The following GABRB2 variants were observed in gnomAD, a reference collection of about 807,000 sequenced individuals.
The protein encoded by GABRB2 is gamma-aminobutyric acid receptor subunit beta-2.
In GABRB2, 16 loss-of-function variants were observed where a neutral mutation model predicts 54.7. The ratio of observed to expected loss-of-function variants is 0.29; its 90% CI spans 0.20 to 0.44. GABRB2 has a LOEUF of 0.44. Among genes scored for constraint, GABRB2 ranks in the 20% least tolerant of loss-of-function variants. The pLI is 1.00. For missense variants in GABRB2, 355 were observed against 644.0 expected (o/e 0.55, Z 4.86); for synonymous variants, 244 against 233.8 (o/e 1.04, Z -0.40).
rs1225789028 is a variant in GABRB2, at chr5:161,462,657, G to A, written c.238-2813C>T. On this transcript the variant is annotated intron_variant, in intron 3 of 9. Coordinates refer to ENST00000393959, the MANE Select transcript of GABRB2 (RefSeq NM_001371727.1). ...GACTAAATAAATGTTAAGATTGTGA[G>A]ACCCTGCATTACATGCTAATTTCTG... Among the ~76,000 whole-genome samples, 3 of 152,164 alleles carry A rather than the reference G, an allele frequency of 2.0e-5. No individual in the cohort carries two copies. The East Asian group carries it at 5.8e-4, about 29-fold the overall frequency.
intron 3 of GABRB2, among the ~76,000 whole-genome samples, chr5:161,496,902 T>C (rs1210143338): frequency 2.0e-5 from 3 of 152,148 alleles, no homozygotes; most frequent in Admixed American, 6.6e-5. Flanking sequence ...TAATCATATA[T>C]ATGTATACAC....
chr5:161,333,515 T>C (rs767188817), intron 7 of GABRB2, among the ~76,000 whole-genome samples: 3 of 152,232 alleles, frequency 2.0e-5, no homozygotes, highest in Non-Finnish European at 4.4e-5. Flanking sequence ...GTAGCCGAAG[T>C]GATCCCTTTA....
intron 5 of GABRB2, among the ~76,000 whole-genome samples, chr5:161,362,170 T>C (rs1393941021): frequency 6.6e-6 from 1 of 152,188 alleles, no homozygotes; most frequent in Admixed American, 6.5e-5. Context: ...GCTGTTTTGA[T>C]TGCTGTAGCC....
chr5:161,518,242 T>C (rs1760011460), intron 3 of GABRB2, among the ~76,000 whole-genome samples: 1 of 152,208 alleles, frequency 6.6e-6, no homozygotes, highest in South Asian at 2.1e-4. Context: ...ACAGTAAGAA[T>C]TCCTTTGAGA....
At chr5:161,297,652 C>A (rs1251987394) in intron 9 of GABRB2, among the ~76,000 whole-genome samples, 1 of 151,918 alleles carries the variant, frequency 6.6e-6, no homozygotes, top group African/African-American at 2.4e-5. Context: ...ATGGTATATA[C>A]GTGTCACATT....
intron 4 of GABRB2, 49 bp from the exon 5 acceptor site, chr5:161,411,106 G>T (rs375677228): frequency 7.1e-7 from 1 of 1,412,696 alleles, no homozygotes; most frequent in Non-Finnish European, 1.0e-6. Context: ...TCTAAGGCTG[G>T]AGCTGGAAAT....
chr5:161,471,108 C>T (rs542749148), intron 3 of GABRB2, among the ~76,000 whole-genome samples: 101 of 152,098 alleles, frequency 6.6e-4, no homozygotes, highest in African/African-American at 2.3e-3. Context: ...CTCAGAGCTA[C>T]TGGTGATCTC....
chr5:161,495,056 T>C (rs1286044952), intron 3 of GABRB2, among the ~76,000 whole-genome samples: 3 of 152,042 alleles, frequency 2.0e-5, no homozygotes, highest in Non-Finnish European at 2.9e-5. Context: ...TGTGATTGTT[T>C]TTAGTTAATA....
chr5:161,405,686 C>T (rs952565641), intron 5 of GABRB2, among the ~76,000 whole-genome samples: 3 of 152,016 alleles, frequency 2.0e-5, no homozygotes, highest in African/African-American at 4.8e-5. Flanking sequence ...AAACACAATG[C>T]ACTTTTCATT....
At chr5:161,455,169 G>A (rs1322471879) in intron 4 of GABRB2, among the ~76,000 whole-genome samples, 1 of 152,206 alleles carries the variant, frequency 6.6e-6, no homozygotes, top group African/African-American at 2.4e-5. Context: ...ATGAGCATGA[G>A]TAGACTTAGA....
rs1218503196 is a variant in GABRB2, at chr5:161,294,107, C to T, written c.1513G>A (p.Val505Ile). 11 of 1,613,096 alleles carry T rather than the reference C, an allele frequency of 6.8e-6. No homozygotes were observed. Among genetic ancestry groups the T allele is most frequent in the East Asian group, 4.5e-5 (2 of 44,870 alleles). The change falls in exon 10 of 10, where the codon GTC becomes ATC. Residue 505 changes from valine to isoleucine, a missense_variant. By Grantham distance (29) the Val-to-Ile change is conservative. Transcript: ENST00000393959. ...FPVVFSFFNI[V>I]YWLYYVN ...TAGTTCACATAATAAAGCCAATAGA[C>T]GATGTTGAAGAAGGAAAAAACCACT... is the stretch of plus-strand genomic sequence containing the variant.
intron 3 of GABRB2, among the ~76,000 whole-genome samples, chr5:161,501,056 C>A (rs902969487): frequency 2.2e-5 from 3 of 133,904 alleles, no homozygotes; most frequent in Non-Finnish European, 4.6e-5. Context: ...TTTAAATGGG[C>A]ATGTATCATC....
chr5:161,490,478 A>T (rs1759065174), intron 3 of GABRB2, among the ~76,000 whole-genome samples: 1 of 151,616 alleles, frequency 6.6e-6, no homozygotes, highest in Non-Finnish European at 1.5e-5. Context: ...AAGGATGAAA[A>T]ACTCTGCCAG....
Position 161,326,470 on chromosome 5 carries a change from T to G in GABRB2, c.1089A>C (p.Lys363Asn). 1 of 1,613,202 alleles carries G rather than the reference T, an allele frequency of 6.2e-7. No individual in the cohort carries two copies. Among genetic ancestry groups the G allele is most frequent in the Non-Finnish European group, 8.5e-7 (1 of 1,179,464 alleles). Residue 363 changes from lysine to asparagine, a missense_variant, in exon 9 of 10, where the codon AAA (lysine) becomes AAC (asparagine). Transcript: ENST00000393959. The stretch of plus-strand genomic sequence containing the variant: ...ATTGGGTCCCATTTTGTTTAATATC[T>G]TTATAAAAAATCTGGAAGACAAAGT... ...MRLDVNKIFY[K>N]DIKQNGTQYR... is the part of the protein sequence containing the mutation.
chr5:161,428,287 A>ATGTGTGTGTGTG (rs1561646509), intron 4 of GABRB2, among the ~76,000 whole-genome samples: 169 of 129,024 alleles, frequency 1.3e-3, no homozygotes, highest in African/African-American at 3.9e-3. Context: ...TCAGAGAGTT[A>ATGTGTGTGTGTG]CGTGTGTGTG....
At chr5:161,481,900 T>C (rs756451631) in intron 3 of GABRB2, among the ~76,000 whole-genome samples, 8 of 151,998 alleles carry the variant, frequency 5.3e-5, no homozygotes, top group Non-Finnish European at 1.2e-4. Flanking sequence ...TCAATGGTCA[T>C]AAATCCCTCA....
chr5:161,314,884 A>T (rs906284700), intron 9 of GABRB2, among the ~76,000 whole-genome samples: 18 of 152,162 alleles, frequency 1.2e-4, no homozygotes, highest in African/African-American at 4.3e-4. Context: ...AATAAATTAA[A>T]TGTTAATAAT....
At chr5:161,503,110 C>A (rs1581039356) in intron 3 of GABRB2, among the ~76,000 whole-genome samples, 1 of 149,998 alleles carries the variant, frequency 6.7e-6, no homozygotes, top group African/African-American at 2.4e-5. Flanking sequence ...GAAAGAAGAT[C>A]AAGAGGCGAT....
At chr5:161,505,172 A>C (rs1332038162) in intron 3 of GABRB2, among the ~76,000 whole-genome samples, 2 of 143,102 alleles carry the variant, frequency 1.4e-5, no homozygotes, top group Non-Finnish European at 3.0e-5. Flanking sequence ...GCTGTCTCTC[A>C]GGCTGGAGTC....
Sources: allele counts gnomAD v4.1 joint callset (sites outside exome capture counted in the v4.1 genomes callset), GRCh38; gene constraint gnomAD v4.1.1; transcripts MANE v1.5; gene names NCBI Gene and HGNC (gene_info 2026-07-23, HGNC 2026-07-21).